GALNT13: variants seen among roughly 807,000 people sequenced by gnomAD.
GALNT13 encodes the protein UDP-GalNAc:polypeptide N-acetylgalactosaminyltransferase 13.
A neutral mutation model predicts 64.2 loss-of-function variants in GALNT13; 28 were observed. The ratio of observed to expected loss-of-function variants is 0.44; its 90% CI spans 0.32 to 0.60. GALNT13 has a LOEUF of 0.60. Ranked by LOEUF, GALNT13 falls within the 20% of genes least tolerant of loss-of-function variation. The probability of loss-of-function intolerance (pLI) is 0.05; values close to 1 mark genes in which losing one functional copy is unlikely to be tolerated. For missense variants in GALNT13, 577 were observed against 669.8 expected (o/e 0.86, Z 1.53); for synonymous variants, 214 against 224.6 (o/e 0.95, Z 0.42).
At chr2:153,098,554 A>G in the GALNT13 span, among the ~76,000 whole-genome samples, 7 of 152,180 alleles carry the variant, frequency 4.6e-5, no homozygotes. Context: ...TGTATTTTTC[A>G]TGACTTAAAA....
chr2:153,254,211 C>A, the GALNT13 span, among the ~76,000 whole-genome samples: 5 of 152,132 alleles, frequency 3.3e-5, no homozygotes, highest in Admixed American at 2.6e-4. Flanking sequence ...GTGTATGTGT[C>A]AAGGAATTTA....
the GALNT13 span, among the ~76,000 whole-genome samples, chr2:153,508,577 C>A: frequency 6.6e-6 from 1 of 152,160 alleles, no homozygotes; most frequent in African/African-American, 2.4e-5. Context: ...CTGTACTCCC[C>A]CAACAACACT....
At chr2:153,808,595 T>C in the GALNT13 span, among the ~76,000 whole-genome samples, 2 of 152,180 alleles carry the variant, frequency 1.3e-5, no homozygotes, top group Non-Finnish European at 2.9e-5. Flanking sequence ...GTTGATGTCT[T>C]TAATACTTAG....
the GALNT13 span, among the ~76,000 whole-genome samples, chr2:153,828,239 A>G: frequency 6.6e-6 from 1 of 152,166 alleles, no homozygotes; most frequent in Non-Finnish European, 1.5e-5. Context: ...TCACAGCCCC[A>G]CTGTGCCCCA....
intron 4 of GALNT13, among the ~76,000 whole-genome samples, chr2:154,201,503 CCTT>C: frequency 6.6e-6 from 1 of 152,148 alleles, no homozygotes. Context: ...CATAGCATCA[CCTT>C]CTTACTTTAT....
chr2:154,307,711 C>G (rs1693816230), intron 9 of GALNT13, among the ~76,000 whole-genome samples: 1 of 152,008 alleles, frequency 6.6e-6, no homozygotes, highest in Admixed American at 6.6e-5. Flanking sequence ...TTTTAAAGCC[C>G]TGTAGGCTGT....
chr2:154,076,916 A>G (rs940362745), intron 3 of GALNT13, among the ~76,000 whole-genome samples: 2 of 151,610 alleles, frequency 1.3e-5, no homozygotes, highest in South Asian at 2.1e-4. Flanking sequence ...CTTCTTTGCT[A>G]TATTCTGTAA....
chr2:154,206,278 G>A (rs1687448064), intron 4 of GALNT13, among the ~76,000 whole-genome samples: 1 of 151,846 alleles, frequency 6.6e-6, no homozygotes, highest in African/African-American at 2.4e-5. Context: ...TGGGATTACA[G>A]GCATGAGCAA....
At chr2:153,896,725 C>T (rs1687919780) in intron 1 of GALNT13, among the ~76,000 whole-genome samples, 1 of 152,032 alleles carries the variant, frequency 6.6e-6, no homozygotes, top group African/African-American at 2.4e-5. Context: ...TTTTGATCCT[C>T]ACCTTCTTCC....
rs139130615 is a variant in GALNT13 at position 153,916,587 on chromosome 2, A to T, written c.-105+15580A>T. On this transcript the variant is annotated intron_variant, in intron 2 of 12. Transcript: ENST00000392825. ...CCTTGAGCAAGGTTTTTATTTGGTT[A>T]TACCTCCTCAGCTGTAAAAGGGCAT... Among the ~76,000 whole-genome samples the T allele has an allele frequency of 3.3e-3, 510 of 152,286 alleles. 2 individuals are homozygous for T. The highest frequency in any genetic ancestry group is 0.012 in the African/African-American group (491 of 41,560).
the GALNT13 span, among the ~76,000 whole-genome samples, chr2:153,838,798 T>A: frequency 6.6e-6 from 1 of 151,934 alleles, no homozygotes; most frequent in Non-Finnish European, 1.5e-5. Flanking sequence ...ATTTTAGGAT[T>A]TTTTTTCTAT....
intron 3 of GALNT13, among the ~76,000 whole-genome samples, chr2:154,131,224 G>A (rs915154081): frequency 5.4e-5 from 8 of 148,870 alleles, no homozygotes; most frequent in African/African-American, 2.0e-4. Context: ...ACTGTAACAT[G>A]TGCCAAACAA....
intron 3 of GALNT13, among the ~76,000 whole-genome samples, chr2:153,958,385 C>T (rs1243928506): frequency 2.0e-5 from 3 of 152,124 alleles, no homozygotes; most frequent in Non-Finnish European, 2.9e-5. Flanking sequence ...GACCTCTTCC[C>T]GTTTTCTTTC....
chr2:153,923,306 A>T (rs1231169007), intron 2 of GALNT13, among the ~76,000 whole-genome samples: 1 of 152,176 alleles, frequency 6.6e-6, no homozygotes, highest in Non-Finnish European at 1.5e-5. Context: ...CTTTGCCAGA[A>T]ATGTGAAGTG....
At chr2:154,274,798 G>A (rs1691549418) in intron 8 of GALNT13, among the ~76,000 whole-genome samples, 1 of 152,270 alleles carries the variant, frequency 6.6e-6, no homozygotes, top group South Asian at 2.1e-4. Flanking sequence ...ATGTAGAAGT[G>A]ACTTTGGAAC....
chr2:153,603,905 T>C, the GALNT13 span, among the ~76,000 whole-genome samples: 1 of 151,948 alleles, frequency 6.6e-6, no homozygotes, highest in African/African-American at 2.4e-5. Context: ...TCAAAAGAAG[T>C]TCTTATGTTT....
At chr2:153,128,295 C>T in the GALNT13 span, among the ~76,000 whole-genome samples, 43 of 152,130 alleles carry the variant, frequency 2.8e-4, no homozygotes, top group Non-Finnish European at 4.4e-4. Context: ...CTCACAATCA[C>T]GGTGGAAAGC....
chr2:153,677,454 T>A, the GALNT13 span, among the ~76,000 whole-genome samples: 12 of 151,874 alleles, frequency 7.9e-5, no homozygotes, highest in African/African-American at 2.9e-4. Context: ...ATAAAAAGAA[T>A]CAATATTGTT....
chr2:153,200,028 G>T, the GALNT13 span, among the ~76,000 whole-genome samples: 2 of 152,072 alleles, frequency 1.3e-5, no homozygotes, highest in African/African-American at 4.8e-5. Context: ...TATAGACAGG[G>T]AGCCCCACAA....
Sources: allele counts gnomAD v4.1 joint callset (sites outside exome capture counted in the v4.1 genomes callset), GRCh38; gene constraint gnomAD v4.1.1; transcripts MANE v1.5; gene names NCBI Gene and HGNC (gene_info 2026-07-23, HGNC 2026-07-21).